RSU1: variants seen among roughly 807,000 people sequenced by gnomAD.
The protein encoded by RSU1 is Ras suppressor protein 1.
RSU1 carries 26 observed loss-of-function variants against 31.1 expected under a neutral mutation model. The ratio of observed to expected loss-of-function variants is 0.84; its 90% CI spans 0.61 to 1.16. RSU1 has a LOEUF of 1.16. RSU1 is among the 50% of genes most tolerant of loss of function. The pLI is 0.00. For missense variants in RSU1, 320 were observed against 339.1 expected (o/e 0.94, Z 0.44); for synonymous variants, 164 against 136.3 (o/e 1.20, Z -1.41).
intron 7 of RSU1, among the ~76,000 whole-genome samples, chr10:16,718,775 G>T (rs1007484599): frequency 1.3e-5 from 2 of 152,046 alleles, no homozygotes; most frequent in African/African-American, 4.8e-5. Flanking sequence ...GAGGTTAGTA[G>T]ATCAAGACCA....
intron 8 of RSU1, among the ~76,000 whole-genome samples, chr10:16,649,240 C>T (rs558766818): frequency 1.3e-5 from 2 of 152,104 alleles, no homozygotes; most frequent in African/African-American, 2.4e-5. Context: ...TTATGAATCA[C>T]GAAGGCATAT....
intron 2 of RSU1, among the ~76,000 whole-genome samples, chr10:16,786,180 T>C (rs1837788406): frequency 6.6e-6 from 1 of 152,212 alleles, no homozygotes; most frequent in African/African-American, 2.4e-5. Flanking sequence ...CAAAGAATCG[T>C]CCACTCCAAA....
At chr10:16,680,094 C>G (rs187712709) in intron 8 of RSU1, among the ~76,000 whole-genome samples, 118 of 152,068 alleles carry the variant, frequency 7.8e-4, no homozygotes, top group Non-Finnish European at 5.4e-4. Context: ...GTTGGCCAGT[C>G]TGGTTTCAAA....
At chr10:16,727,783 C>T (rs972177131) in intron 7 of RSU1, among the ~76,000 whole-genome samples, 1 of 152,178 alleles carries the variant, frequency 6.6e-6, no homozygotes, top group African/African-American at 2.4e-5. Flanking sequence ...TTTTAGATGA[C>T]AAGTCGTGCT....
At chr10:16,701,659 C>T (rs1251610857) in intron 7 of RSU1, among the ~76,000 whole-genome samples, 1 of 152,112 alleles carries the variant, frequency 6.6e-6, no homozygotes, top group African/African-American at 2.4e-5. Flanking sequence ...GAGAAAACCA[C>T]CACCCTACCA....
At chr10:16,706,200 A>C (rs1465232142) in intron 7 of RSU1, among the ~76,000 whole-genome samples, 1 of 152,204 alleles carries the variant, frequency 6.6e-6, no homozygotes, top group Admixed American at 6.6e-5. Flanking sequence ...ATTTTTCGAG[A>C]AACTGTCATA....
chr10:16,686,752 G>C (rs533289043), intron 8 of RSU1, among the ~76,000 whole-genome samples: 2 of 151,584 alleles, frequency 1.3e-5, no homozygotes, highest in East Asian at 1.9e-4. Context: ...GACACACACA[G>C]AGAGAGACTG....
intron 2 of RSU1, among the ~76,000 whole-genome samples, chr10:16,814,688 G>A (rs1298487819): frequency 6.6e-6 from 1 of 151,956 alleles, no homozygotes; most frequent in East Asian, 1.9e-4. Flanking sequence ...CAGAGGAGAT[G>A]GAATCTGCAA....
At chr10:16,786,178 C>T (rs575895393) in intron 2 of RSU1, among the ~76,000 whole-genome samples, 11 of 152,216 alleles carry the variant, frequency 7.2e-5, no homozygotes, top group Non-Finnish European at 1.3e-4. Flanking sequence ...GACAAAGAAT[C>T]GTCCACTCCA....
intron 8 of RSU1, among the ~76,000 whole-genome samples, chr10:16,644,526 G>A (rs1834501522): frequency 2.0e-5 from 3 of 152,192 alleles, no homozygotes; most frequent in Non-Finnish European, 2.9e-5. Context: ...TTACGGAAGA[G>A]GAAATTGAGC....
chr10:16,591,163 T>C lies in RSU1; in HGVS notation c.*2231A>G. On this transcript the variant is annotated 3_prime_UTR_variant, in exon 9 of 9. Coordinates refer to ENST00000345264, the MANE Select transcript of RSU1 (RefSeq NM_012425.4). ...CTGAGCTCAGGCAATCTTCCCACCT[T>C]GGCCTCCCAAAGTGTTAGGATTACA... is the stretch of plus-strand genomic sequence containing the variant. The C allele has an allele frequency of 6.6e-6, 1 of 152,338 alleles. No homozygotes were observed. Among genetic ancestry groups the C allele is most frequent in the Non-Finnish European group, 1.5e-5 (1 of 68,052 alleles). The allele number at this position is 152,338 out of a possible 1,614,324, so 9.4% of individuals were successfully genotyped here. A position where few individuals can be genotyped will look rare whatever the true frequency, so the allele number is the denominator to read the frequency against.
chr10:16,655,202 TTC>T (rs1319557776), intron 8 of RSU1, among the ~76,000 whole-genome samples: 1 of 152,178 alleles, frequency 6.6e-6, no homozygotes, highest in Non-Finnish European at 1.5e-5. Flanking sequence ...ATCTTTATAA[TTC>T]TCTCTCAAAT....
intron 8 of RSU1, among the ~76,000 whole-genome samples, chr10:16,610,917 C>G (rs1041707891): frequency 6.6e-6 from 1 of 152,032 alleles, no homozygotes; most frequent in African/African-American, 2.4e-5. Flanking sequence ...AGAGATTTTC[C>G]CAATGTCCTT....
chr10:16,755,968 A>T (rs1837076296), intron 4 of RSU1, among the ~76,000 whole-genome samples: 1 of 152,222 alleles, frequency 6.6e-6, no homozygotes, highest in South Asian at 2.1e-4. Context: ...ACAAAAACTC[A>T]AACCATTACA....
chr10:16,716,151 T>A (rs1836135625), intron 7 of RSU1, among the ~76,000 whole-genome samples: 1 of 152,128 alleles, frequency 6.6e-6, no homozygotes, highest in South Asian at 2.1e-4. Context: ...ACTGAAACTA[T>A]CTCAGAAAAA....
chr10:16,807,583 G>A (rs1369245808), intron 2 of RSU1, among the ~76,000 whole-genome samples: 1 of 152,208 alleles, frequency 6.6e-6, no homozygotes, highest in Non-Finnish European at 1.5e-5. Flanking sequence ...AGAAAGTGGG[G>A]AGGGTTCTGC....
intron 8 of RSU1, among the ~76,000 whole-genome samples, chr10:16,608,039 C>T (rs1214198301): frequency 6.6e-6 from 1 of 152,136 alleles, no homozygotes; most frequent in Non-Finnish European, 1.5e-5. Flanking sequence ...CCTTGTTTCC[C>T]ACGCTAGTCT....
At chr10:16,811,896 G>A (rs1298570593) in intron 2 of RSU1, among the ~76,000 whole-genome samples, 1 of 152,140 alleles carries the variant, frequency 6.6e-6, no homozygotes, top group Non-Finnish European at 1.5e-5. Flanking sequence ...GCCAAGTAGA[G>A]AGACACTTCA....
At chr10:16,703,446 T>C (rs559215808) in intron 7 of RSU1, among the ~76,000 whole-genome samples, 81 of 152,274 alleles carry the variant, frequency 5.3e-4, no homozygotes, top group African/African-American at 1.9e-3. Flanking sequence ...TAGTAATAAA[T>C]TTATGCGGAG....
Sources: gnomAD v4.1 joint callset for allele counts (sites outside exome capture counted in the v4.1 genomes callset) on GRCh38, gnomAD v4.1.1 for gene constraint, MANE v1.5 for transcripts, NCBI Gene and HGNC (gene_info 2026-07-23, HGNC 2026-07-21) for gene names.